PRKAG2: variants seen among roughly 807,000 people sequenced by gnomAD.
PRKAG2 encodes the protein protein kinase AMP-activated non-catalytic subunit gamma 2.
PRKAG2 carries 26 observed loss-of-function variants against 69.6 expected under a neutral mutation model. The observed-to-expected ratio is 0.37, with a 90% CI of 0.27 to 0.52. The LOEUF (loss-of-function observed/expected upper bound fraction) is 0.52, where lower values mean the gene tolerates loss of function less well. Ranked by LOEUF, PRKAG2 falls within the 20% of genes least tolerant of loss-of-function variation. The pLI, the probability that PRKAG2 is intolerant of heterozygous loss-of-function variation, is 0.90. For synonymous variants in PRKAG2, 293 were observed against 285.0 expected, an observed-to-expected ratio of 1.03 and a Z score of -0.28; for missense variants, 557 against 740.0, an observed-to-expected ratio of 0.75 and a Z score of 2.87.
At chr7:151,774,820 G>C (rs566943009) in intron 3 of PRKAG2, among the ~76,000 whole-genome samples, 1 of 152,028 alleles carries the variant, frequency 6.6e-6, no homozygotes, top group Non-Finnish European at 1.5e-5. Context: ...AAACAAAAAA[G>C]AAAAAGAAAG....
At chr7:151,737,675 C>T (rs1035777442) in intron 3 of PRKAG2, among the ~76,000 whole-genome samples, 2 of 152,216 alleles carry the variant, frequency 1.3e-5, no homozygotes, top group African/African-American at 2.4e-5. Context: ...AGCCTCCCAA[C>T]TTGGGTTGGG....
intron 1 of PRKAG2, among the ~76,000 whole-genome samples, chr7:151,821,055 T>TCCAACCTCACAGACCTCA (rs1490945869): frequency 1.9e-3 from 13 of 6,958 alleles, no homozygotes; most frequent in African/African-American, 4.3e-3. Flanking sequence ...GAAGGAAAGC[T>TCCAACCTCACAGACCTCA]GTGGAGACAG....
intron 14 of PRKAG2, among the ~76,000 whole-genome samples, chr7:151,561,742 G>A (rs972975175): frequency 6.6e-6 from 1 of 151,572 alleles, no homozygotes; most frequent in African/African-American, 2.4e-5. Context: ...AGACCAGCCT[G>A]ACCAATATGG....
chr7:151,722,058 G>A (rs998442199), intron 3 of PRKAG2, among the ~76,000 whole-genome samples: 14 of 152,122 alleles, frequency 9.2e-5, no homozygotes, highest in African/African-American at 3.4e-4. Context: ...ATTGTTTCCT[G>A]CATGTGAATA....
At chr7:151,663,829 G>A (rs774756791) in intron 4 of PRKAG2, among the ~76,000 whole-genome samples, 2 of 152,192 alleles carry the variant, frequency 1.3e-5, no homozygotes, top group Non-Finnish European at 2.9e-5. Flanking sequence ...TGCATTGGAT[G>A]TTCCAACAAG....
chr7:151,741,769 G>C (rs1053928867), intron 3 of PRKAG2, among the ~76,000 whole-genome samples: 1 of 152,084 alleles, frequency 6.6e-6, no homozygotes, highest in Non-Finnish European at 1.5e-5. Flanking sequence ...AGGCAGGCCT[G>C]ACGTTTCCGT....
In PRKAG2 at chr7:151,780,918, CA is replaced by C. The variant is rs770646521; in HGVS notation, c.466+233del. Among the ~76,000 whole-genome samples the C allele has an allele frequency of 1.6e-4, 25 of 152,174 alleles. No individual in the cohort carries two copies. The highest frequency in any genetic ancestry group is 3.4e-3 in the Middle Eastern group (1 of 294). ...AGTTAACCCAAGGACCTTGCTGGAC[CA>C]GAAGGATTACGCTTTGATAGATTAG... On this transcript the variant is annotated intron_variant, in intron 3 of 15. Transcript: ENST00000287878. This position sits in a 1 kb window ranked among gnomAD's most constrained non-coding sequence, Gnocchi z 4.2.
intron 6 of PRKAG2, among the ~76,000 whole-genome samples, chr7:151,594,960 G>A (rs143032130): frequency 8.5e-5 from 13 of 152,096 alleles, no homozygotes; most frequent in African/African-American, 2.2e-4. Context: ...CACCACACCC[G>A]GTTAATTTTG....
At chr7:151,639,686 G>C (rs1477834619) in intron 4 of PRKAG2, among the ~76,000 whole-genome samples, 1 of 152,206 alleles carries the variant, frequency 6.6e-6, no homozygotes, top group African/African-American at 2.4e-5. Flanking sequence ...GCAGCCCTCT[G>C]GTTTTCAGGC....
In PRKAG2 at chr7:151,856,891, GACA is replaced by G. The variant is rs1361967452; in HGVS notation, c.114+19613_114+19615del. Among the ~76,000 whole-genome samples, 9 of 152,196 alleles carry G rather than the reference GACA, an allele frequency of 5.9e-5. No individual in the cohort carries two copies. In the East Asian group the frequency reaches 1.5e-3, roughly 26 times the overall value. The stretch of plus-strand genomic sequence containing the variant: ...AGAAGATACAGGACAGCAGGCAGAA[GACA>G]ACAAGAAGGGCGGAGAGAAAACGGA... On this transcript the variant is annotated intron_variant, in intron 1 of 15. Transcript: ENST00000287878.
chr7:151,566,804 A>G (rs1044336414), intron 11 of PRKAG2, among the ~76,000 whole-genome samples: 8 of 152,166 alleles, frequency 5.3e-5, no homozygotes, highest in African/African-American at 1.9e-4. Flanking sequence ...CTAATTTTCA[A>G]ACGTCTTGAA....
chr7:151,820,957 A>AG (rs1318354509), intron 1 of PRKAG2, among the ~76,000 whole-genome samples: 1 of 2,500 alleles, frequency 4.0e-4, no homozygotes, highest in African/African-American at 1.2e-3. Flanking sequence ...GACCCCCCCC[A>AG]GCCAGGTACC....
rs201464768 is a variant in PRKAG2 at position 151,719,798 on chromosome 7, CCCCT to C, written c.467-44165_467-44162del. 0.2 allele frequency among the ~76,000 whole-genome samples: 30,844 copies of C among 152,004 alleles called. 3,375 individuals are homozygous for C. The highest frequency in any genetic ancestry group is 0.32 in the Middle Eastern group (92 of 286). On this transcript the variant is annotated intron_variant, in intron 3 of 15. Coordinates refer to ENST00000287878, the MANE Select transcript of PRKAG2 (RefSeq NM_016203.4). The surrounding 1 kb of genome is among the most constrained non-coding windows in gnomAD (Gnocchi z 5.2). Reference sequence around the variant, plus strand: ...AAGAAACTGGAGCCTGCCCCTCCTCCCCCTGAGTTTGCCAGGCAGCCTGTAAGTT... The same window carrying C: ...AAGAAACTGGAGCCTGCCCCTCCTCCGAGTTTGCCAGGCAGCCTGTAAGTT...
At position 151,556,788 on chromosome 7, in the gene PRKAG2, G is replaced by A. The variant is rs2150956231; in HGVS notation, c.*413C>T. ...GACTTCCACATTCAAGCTCGGTGTT[G>A]TTTCACACGCGTGCGCCCCGGCTGC... On this transcript the variant is annotated 3_prime_UTR_variant, in exon 16 of 16. Transcript: ENST00000287878. 5.5e-6 allele frequency: 1 copy of A among 181,194 alleles called. No homozygotes were observed. The highest frequency in any genetic ancestry group is 1.2e-5 in the Non-Finnish European group (1 of 84,948). 11.2% of individuals were successfully genotyped at this position (181,194 alleles called of 1,614,324 possible).
chr7:151,657,986 C>T (rs1165051773), intron 4 of PRKAG2, among the ~76,000 whole-genome samples: 2 of 150,954 alleles, frequency 1.3e-5, no homozygotes, highest in Admixed American at 6.6e-5. Flanking sequence ...AGTGAAACCC[C>T]ATCTCTACTA....
At chr7:151,610,904 C>T (rs905275285) in intron 5 of PRKAG2, among the ~76,000 whole-genome samples, 28 of 151,478 alleles carry the variant, frequency 1.8e-4, no homozygotes, top group African/African-American at 6.5e-4. Context: ...GGCGCCCACC[C>T]CCATGCCTAA....
chr7:151,633,743 AAGACG>A (rs1825241873), intron 4 of PRKAG2, among the ~76,000 whole-genome samples: 1 of 152,216 alleles, frequency 6.6e-6, no homozygotes. Context: ...CTGTAGATGA[AAGACG>A]AGCTAATAAA....
Position 151,756,017 on chromosome 7 carries a change from C to A in PRKAG2, c.466+25135G>T, listed in dbSNP as rs2075059187. Among the ~76,000 whole-genome samples the A allele has an allele frequency of 6.6e-6, 1 of 152,194 alleles. No individual in the cohort carries two copies. The highest frequency in any genetic ancestry group is 2.4e-5 in the African/African-American group (1 of 41,428). On this transcript the variant is annotated intron_variant, in intron 3 of 15. Coordinates refer to ENST00000287878, the MANE Select transcript of PRKAG2 (RefSeq NM_016203.4). The surrounding 1 kb of genome is among the most constrained non-coding windows in gnomAD (Gnocchi z 4.9). ...CAGTGTCTCTACCTGTGCGCAAACA[C>A]AAATACTTCCACTGCCCTCTCCCGC...
chr7:151,595,682 T>C (rs992086765), intron 5 of PRKAG2, among the ~76,000 whole-genome samples: 2 of 152,238 alleles, frequency 1.3e-5, no homozygotes, highest in East Asian at 3.9e-4. Flanking sequence ...AAGGCATACA[T>C]GTTGAAAAGG....
Sources: allele counts gnomAD v4.1 joint callset (sites outside exome capture counted in the v4.1 genomes callset), GRCh38; gene constraint gnomAD v4.1.1; non-coding constraint Gnocchi (gnomAD v3.1); transcripts MANE v1.5; gene names NCBI Gene and HGNC (gene_info 2026-07-23, HGNC 2026-07-21).